The following MRNIP variants were observed in gnomAD, a reference collection of about 807,000 sequenced individuals.
The protein encoded by MRNIP is MRN complex-interacting protein.
Under a neutral mutation model 29.8 loss-of-function variants are expected in MRNIP, and 30 were observed. The observed-to-expected ratio is 1.01, with a 90% CI of 0.75 to 1.36. The LOEUF is 1.36. MRNIP is among the 40% of genes most tolerant of loss of function. MRNIP has a pLI of 0.00. For missense variants in MRNIP, 459 were observed against 423.5 expected, an observed-to-expected ratio of 1.08 and a Z score of -0.74; for synonymous variants, 201 against 164.1, an observed-to-expected ratio of 1.23 and a Z score of -1.72.
In MRNIP at chr5:179,837,724, G is replaced by C. The variant is rs368323623; in HGVS notation, c.699C>G (p.Val233=). The change falls in exon 7 of 7, where the codon GTC becomes GTG. Residue 233 remains valine, a synonymous_variant. Coordinates refer to ENST00000292586, the MANE Select transcript of MRNIP (RefSeq NM_016175.4). ...TATSSKWAQF[V]LPPRKSSHVD... Reference sequence around the variant, plus strand: ...CATGTGAACTTTTTCTAGGTGGCAGGACAAATTGCGCCCATTTAGAGGATG... The same window carrying C: ...CATGTGAACTTTTTCTAGGTGGCAGCACAAATTGCGCCCATTTAGAGGATG... 8 of 1,614,252 alleles carry C rather than the reference G, an allele frequency of 5.0e-6. No homozygotes were observed. The highest frequency in any genetic ancestry group is 6.8e-6 in the Non-Finnish European group (8 of 1,180,050).
At chr5:179,841,496 C>A (rs562337961) in intron 5 of MRNIP, 3 of 188,912 alleles carry the variant, frequency 1.6e-5, no homozygotes, top group Admixed American at 1.1e-4. Flanking sequence ...CTCCCTAGAT[C>A]CTTAACCTAA....
chr5:179,854,598 A>G (rs574332520), intron 1 of MRNIP, among the ~76,000 whole-genome samples: 40 of 152,156 alleles, frequency 2.6e-4, no homozygotes, highest in Non-Finnish European at 3.4e-4. Context: ...GTAGCATGGC[A>G]AGAGGCTGTC....
intron 2 of MRNIP, chr5:179,851,154 T>C: frequency 2.2e-6 from 1 of 450,808 alleles, no homozygotes; most frequent in Non-Finnish European, 4.5e-6. Context: ...ACAGAGGCAT[T>C]GAGGGGAGTA....
intron 5 of MRNIP, chr5:179,841,480 A>C: frequency 5.6e-6 from 1 of 177,320 alleles, no homozygotes; most frequent in Non-Finnish European, 1.2e-5. Flanking sequence ...CCTGCCCTCT[A>C]AGAGCCTCCC....
Position 179,847,971 on chromosome 5 carries a change from A to G in MRNIP, c.215+7T>C. On this transcript the variant is annotated splice_region_variant and intron_variant, in intron 3 of 6. Transcript: ENST00000292586. ...AAGACAACCACGCTCTTCTCAAACA[A>G]CTGTACCTGAGTGGCAGCTCTGAAA... 1 of 1,595,964 alleles carries G rather than the reference A, an allele frequency of 6.3e-7. No homozygotes were observed. The highest frequency in any genetic ancestry group is 8.6e-7 in the Non-Finnish European group (1 of 1,164,848).
chr5:179,842,112 G>T lies in MRNIP; in HGVS notation c.292-48C>A, dbSNP rs114693233. ...GATTCTCAGTACTGGAAACCAGGCA[G>T]TTTTATCGAAAACCCCTAGCCCAAC... On this transcript the variant is annotated intron_variant, in intron 4 of 6. Coordinates refer to ENST00000292586, the MANE Select transcript of MRNIP (RefSeq NM_016175.4). 2.4e-4 allele frequency: 386 copies of T among 1,592,686 alleles called. 1 individual carries two copies. The African/African-American group carries it at 4.5e-3, about 19-fold the overall frequency.
In MRNIP at chr5:179,842,171, G is replaced by A; in HGVS notation, c.292-107C>T. On this transcript the variant is annotated intron_variant, in intron 4 of 6. Coordinates refer to ENST00000292586, the MANE Select transcript of MRNIP (RefSeq NM_016175.4). ...CTGAGGATCTCAGGAGTCATGTCCA[G>A]CTCCACTCTAGGAAAGGCACCGGCT... 4 of 1,112,874 alleles carry A rather than the reference G, an allele frequency of 3.6e-6. No homozygotes were observed. In the South Asian group the frequency reaches 4.4e-5, roughly 12 times the overall value. 68.9% of individuals were successfully genotyped at this position (1,112,874 alleles called of 1,614,324 possible). A position where few individuals can be genotyped will look rare whatever the true frequency, so the allele number is the denominator to read the frequency against.
chr5:179,844,858 C>G (rs1582045296), intron 3 of MRNIP, among the ~76,000 whole-genome samples: 1 of 152,072 alleles, frequency 6.6e-6, no homozygotes, highest in Non-Finnish European at 1.5e-5. Context: ...TTTGTAGATT[C>G]ATTAGGATTT....
intron 6 of MRNIP, 56 bp from the exon 7 acceptor site, chr5:179,837,941 A>G: frequency 6.5e-7 from 1 of 1,535,916 alleles, no homozygotes; most frequent in South Asian, 1.2e-5. Flanking sequence ...AGGGCCCAGG[A>G]GGACCGCCTG....
At chr5:179,840,479 C>T in intron 6 of MRNIP, 1 of 351,880 alleles carries the variant, frequency 2.8e-6, no homozygotes, top group Non-Finnish European at 5.2e-6. Context: ...CACAGCAGGG[C>T]AAATGCGAGT....
intron 2 of MRNIP, among the ~76,000 whole-genome samples, chr5:179,848,726 A>G (rs1352708719): frequency 6.6e-6 from 1 of 152,256 alleles, no homozygotes; most frequent in Non-Finnish European, 1.5e-5. Context: ...ACCGTTTTAC[A>G]TAAGGTGTTC....
chr5:179,857,837 A>AC (rs1759658972), intron 1 of MRNIP, among the ~76,000 whole-genome samples: 1 of 151,974 alleles, frequency 6.6e-6, no homozygotes, highest in Admixed American at 6.6e-5. Flanking sequence ...ACATGGAGAA[A>AC]CCCTGTCTCT....
Position 179,841,835 on chromosome 5 carries a change from G to A in MRNIP, c.449+72C>T, listed in dbSNP as rs1302664868. 2.7e-6 allele frequency: 4 copies of A among 1,494,512 alleles called. 1 individual carries two copies. The African/African-American group carries it at 4.2e-5, about 16-fold the overall frequency. The allele number at this position is 1,494,512 out of a possible 1,614,324, so 92.6% of individuals were successfully genotyped here. A position where few individuals can be genotyped will look rare whatever the true frequency, so the allele number is the denominator to read the frequency against. On this transcript the variant is annotated intron_variant, in intron 5 of 6. Transcript: ENST00000292586. ...CCGCGCTTGGCTGACGCTCACAGTG[G>A]CTCACTGGTGCCCCACTGCTGGAGG...
chr5:179,852,942 C>T (rs867147285), intron 2 of MRNIP, among the ~76,000 whole-genome samples: 4 of 152,242 alleles, frequency 2.6e-5, no homozygotes, highest in African/African-American at 7.2e-5. Flanking sequence ...CCTCCACCAA[C>T]GGCCTCTGCC....
At chr5:179,843,338 T>C (rs1758994197) in intron 4 of MRNIP, among the ~76,000 whole-genome samples, 1 of 151,954 alleles carries the variant, frequency 6.6e-6, no homozygotes, top group Admixed American at 6.6e-5. Flanking sequence ...AAAACTAGGA[T>C]GCAAAAAAGT....
At chr5:179,840,633 G>C in intron 6 of MRNIP, 2 of 581,424 alleles carry the variant, frequency 3.4e-6, no homozygotes, top group East Asian at 5.8e-5. Flanking sequence ...TTTCTCCAAG[G>C]GTCACAATGC....
chr5:179,845,581 T>C (rs531721901), intron 3 of MRNIP, among the ~76,000 whole-genome samples: 32 of 151,818 alleles, frequency 2.1e-4, no homozygotes, highest in East Asian at 9.8e-4. Context: ...CTGCAACCTC[T>C]GCCTCCCAGG....
chr5:179,842,402 CG>C (rs1329215192), intron 4 of MRNIP, among the ~76,000 whole-genome samples: 1 of 151,812 alleles, frequency 6.6e-6, no homozygotes, highest in Non-Finnish European at 1.5e-5. Flanking sequence ...CAGAAGTAGC[CG>C]GGCGCGGTGG....
intron 1 of MRNIP, among the ~76,000 whole-genome samples, chr5:179,858,161 A>G (rs1386681262): frequency 6.6e-6 from 1 of 151,608 alleles, no homozygotes; most frequent in Non-Finnish European, 1.5e-5. Flanking sequence ...TGCGATCCGG[A>G]AAAGGTTAAG....
Sources: allele counts gnomAD v4.1 joint callset (sites outside exome capture counted in the v4.1 genomes callset), GRCh38; gene constraint gnomAD v4.1.1; transcripts MANE v1.5; gene names NCBI Gene and HGNC (gene_info 2026-07-23, HGNC 2026-07-21).